Variants in ROBO1 observed in about 807,000 individuals in gnomAD.
The protein encoded by ROBO1 is roundabout guidance receptor 1.
ROBO1 carries 149 observed loss-of-function variants against 195.9 expected under a neutral mutation model. The ratio of observed to expected loss-of-function variants is 0.76; its 90% confidence interval spans 0.67 to 0.87. ROBO1 has a LOEUF of 0.87. Among genes scored for constraint, ROBO1 ranks in the 40% least tolerant of loss-of-function variants. The pLI is 0.00. For missense variants in ROBO1, 1,933 were observed against 2,068.3 expected (o/e 0.93, Z 1.27); for synonymous variants, 816 against 733.2 (o/e 1.11, Z -1.82).
intron 2 of ROBO1, among the ~76,000 whole-genome samples, chr3:79,268,018 T>C (rs916954370): frequency 1.3e-5 from 2 of 151,678 alleles, no homozygotes; most frequent in African/African-American, 4.8e-5. Flanking sequence ...GATGTATTTC[T>C]AGTCATTCAC....
chr3:79,747,795 T>C (rs1425390819), intron 1 of ROBO1, among the ~76,000 whole-genome samples: 1 of 151,882 alleles, frequency 6.6e-6, no homozygotes, highest in Non-Finnish European at 1.5e-5. Context: ...AAAATGTGTG[T>C]CAAAGCTGGA....
At chr3:79,524,960 TAG>T (rs1233457277) in intron 2 of ROBO1, among the ~76,000 whole-genome samples, 1 of 151,860 alleles carries the variant, frequency 6.6e-6, no homozygotes, top group Non-Finnish European at 1.5e-5. Flanking sequence ...TACATATATA[TAG>T]AGAGAGAAAC....
rs530736631 is a variant in ROBO1, at chr3:79,754,316, C to G, written c.-51+13436G>C. ...AGAGAACCCCACTGAAGCTGTGGGA[C>G]TGGTCTATGCTGTAACCTGAGGGTG... is the stretch of plus-strand genomic sequence containing the variant. On this transcript the variant is annotated intron_variant, in intron 1 of 30. Coordinates refer to ENST00000464233, the MANE Select transcript of ROBO1 (RefSeq NM_002941.4). 2.6e-5 allele frequency among the ~76,000 whole-genome samples: 4 copies of G among 152,224 alleles called. No homozygotes were observed. The South Asian group carries it at 8.3e-4, about 32-fold the overall frequency.
chr3:78,832,791 A>G (rs1258149730), intron 4 of ROBO1, among the ~76,000 whole-genome samples: 1 of 152,264 alleles, frequency 6.6e-6, no homozygotes, highest in South Asian at 2.1e-4. Context: ...CTTCTTGAGG[A>G]TAACAGTGAA....
chr3:78,808,123 T>G (rs2084607346), intron 4 of ROBO1, among the ~76,000 whole-genome samples: 1 of 152,220 alleles, frequency 6.6e-6, no homozygotes, highest in South Asian at 2.1e-4. Context: ...GGCTATTATC[T>G]CCACAAAAAT....
chr3:78,642,030 T>G (rs919663719), intron 21 of ROBO1, among the ~76,000 whole-genome samples: 3 of 152,112 alleles, frequency 2.0e-5, no homozygotes, highest in Admixed American at 2.0e-4. Context: ...CAAGGTCATA[T>G]GTACCTACTC....
chr3:79,668,822 C>T lies in ROBO1; in HGVS notation c.-50-78861G>A, dbSNP rs748550443. On this transcript the variant is annotated intron_variant, in intron 1 of 30. Coordinates refer to ENST00000464233, the MANE Select transcript of ROBO1 (RefSeq NM_002941.4). Reference sequence around the variant, plus strand: ...GGATATTGAATAGCCTTGGAAATTTCGGCTTCAAAGAAAACGGGAATAGAT... The same window carrying T: ...GGATATTGAATAGCCTTGGAAATTTTGGCTTCAAAGAAAACGGGAATAGAT... Among the ~76,000 whole-genome samples, 21 of 151,710 alleles carry T rather than the reference C, an allele frequency of 1.4e-4. 1 individual carries two copies. The highest frequency in any genetic ancestry group is 2.1e-4 in the South Asian group (1 of 4,814).
chr3:79,231,885 T>C (rs2082327174), intron 2 of ROBO1, among the ~76,000 whole-genome samples: 1 of 152,012 alleles, frequency 6.6e-6, no homozygotes. Flanking sequence ...TACATGGCCA[T>C]AAAAAAGAAC....
chr3:78,626,482 G>A (rs889578011), intron 26 of ROBO1, among the ~76,000 whole-genome samples: 1 of 152,028 alleles, frequency 6.6e-6, no homozygotes. Flanking sequence ...TTATTCATTC[G>A]AGAATATCAA....
At chr3:79,481,927 T>C (rs1938883965) in intron 2 of ROBO1, among the ~76,000 whole-genome samples, 1 of 152,174 alleles carries the variant, frequency 6.6e-6, no homozygotes, top group Non-Finnish European at 1.5e-5. Flanking sequence ...AACTGATAGA[T>C]TATGACTCTT....
intron 2 of ROBO1, among the ~76,000 whole-genome samples, chr3:79,143,315 A>G (rs1218098648): frequency 6.6e-6 from 1 of 152,066 alleles, no homozygotes. Flanking sequence ...TTGCTTACCT[A>G]TGATTCTGTA....
chr3:78,723,973 TTC>T (rs769687318), intron 5 of ROBO1, among the ~76,000 whole-genome samples: 2 of 152,096 alleles, frequency 1.3e-5, no homozygotes, highest in African/African-American at 2.4e-5. Context: ...AAATACAACA[TTC>T]TGTTATATAC....
At chr3:79,252,491 T>C (rs1576879712) in intron 2 of ROBO1, among the ~76,000 whole-genome samples, 1 of 152,158 alleles carries the variant, frequency 6.6e-6, no homozygotes. Flanking sequence ...TTCTGGAAAC[T>C]TTGGGAGGAG....
Position 79,167,287 on chromosome 3 carries a change from T to C in ROBO1, c.89-41748A>G, listed in dbSNP as rs149379435. On this transcript the variant is annotated intron_variant, in intron 2 of 30. Transcript: ENST00000464233. Reference sequence around the variant, plus strand: ...TGTTTTTTTGTTTACTCTTCACTATTTTTGTTTGCTTGTGCCAACAAAATT... The same window carrying C: ...TGTTTTTTTGTTTACTCTTCACTATCTTTGTTTGCTTGTGCCAACAAAATT... Among the ~76,000 whole-genome samples, 1,148 of 152,256 alleles carry C rather than the reference T, an allele frequency of 7.5e-3. 4 individuals are homozygous for C. The highest frequency in any genetic ancestry group is 0.012 in the Non-Finnish European group (821 of 68,024).
At chr3:78,849,493 A>G (rs1374001688) in intron 4 of ROBO1, among the ~76,000 whole-genome samples, 1 of 152,160 alleles carries the variant, frequency 6.6e-6, no homozygotes, top group East Asian at 1.9e-4. Context: ...CCCCTTTGGG[A>G]GCGCACAAAG....
chr3:79,393,793 T>A (rs1194059403), intron 2 of ROBO1, among the ~76,000 whole-genome samples: 1 of 152,186 alleles, frequency 6.6e-6, no homozygotes, highest in African/African-American at 2.4e-5. Flanking sequence ...CTATAATCAA[T>A]AAGAAAGAGA....
chr3:78,687,327 C>A (rs1046212015), intron 9 of ROBO1, among the ~76,000 whole-genome samples: 2 of 152,036 alleles, frequency 1.3e-5, no homozygotes, highest in South Asian at 2.1e-4. Context: ...TTCTTTGAGG[C>A]CAAATGGAAT....
At chr3:79,001,732 A>C (rs2108137117) in intron 3 of ROBO1, among the ~76,000 whole-genome samples, 1 of 152,264 alleles carries the variant, frequency 6.6e-6, no homozygotes, top group Non-Finnish European at 1.5e-5. Context: ...TATAGAGCTT[A>C]TCACTATAAT....
At chr3:78,676,349 A>C (rs1360305266) in intron 10 of ROBO1, among the ~76,000 whole-genome samples, 1 of 152,232 alleles carries the variant, frequency 6.6e-6, no homozygotes, top group Non-Finnish European at 1.5e-5. Flanking sequence ...GAGTTGAGAG[A>C]AGAAGGCTTC....
Sources: allele counts gnomAD v4.1 joint callset (sites outside exome capture counted in the v4.1 genomes callset), GRCh38; gene constraint gnomAD v4.1.1; transcripts MANE v1.5; gene names NCBI Gene and HGNC (gene_info 2026-07-23, HGNC 2026-07-21).